The following UTRN variants were observed in gnomAD, a reference collection of about 807,000 sequenced individuals.
UTRN encodes utrophin.
Under a neutral mutation model 463.9 loss-of-function variants are expected in UTRN, and 283 were observed. The observed-to-expected ratio is 0.61, with a 90% CI of 0.55 to 0.67. The LOEUF (loss-of-function observed/expected upper bound fraction) is 0.67. UTRN is among the 30% of genes least tolerant of loss of function. The pLI is 0.00. For missense variants in UTRN, 3,922 were observed against 4,084.3 expected (o/e 0.96, Z 1.08); for synonymous variants, 1,442 against 1,431.5 (o/e 1.01, Z -0.17).
In UTRN at chr6:144,537,644, G is replaced by T. The variant is rs1392040751; in HGVS notation, c.6296G>T (p.Trp2099Leu). The change falls in exon 44 of 75, where the codon TGG (tryptophan) becomes TTG (leucine). Residue 2099 changes from tryptophan to leucine, a missense_variant. Coordinates refer to ENST00000367545, the MANE Select transcript of UTRN (RefSeq NM_007124.3). The stretch of plus-strand genomic sequence containing the variant: ...CATCAGCTAGATGAGATTATCTGTT[G>T]GTTAACAAAGGCTGAGCATGCTATG... Reference protein sequence around the residue: ...YRHQLDEIICWLTKAEHAMQK... With the variant: ...YRHQLDEIICLLTKAEHAMQK... 6.2e-7 allele frequency: 1 copy of T among 1,612,714 alleles called. No individual in the cohort carries two copies. Among genetic ancestry groups the T allele is most frequent in the South Asian group, 1.1e-5 (1 of 90,854 alleles).
chr6:144,541,338 C>T (rs1458517034), intron 45 of UTRN, among the ~76,000 whole-genome samples: 1 of 152,222 alleles, frequency 6.6e-6, no homozygotes, highest in Non-Finnish European at 1.5e-5. Flanking sequence ...TGTCCATATT[C>T]AGTCGGAGCA....
intron 51 of UTRN, among the ~76,000 whole-genome samples, chr6:144,651,380 G>A (rs1301990805): frequency 6.6e-6 from 1 of 152,142 alleles, no homozygotes; most frequent in Non-Finnish European, 1.5e-5. Context: ...GTTTGCTCAA[G>A]TGTTAGAGGA....
chr6:144,795,205 C>A (rs1459006679), intron 63 of UTRN, among the ~76,000 whole-genome samples: 3 of 152,190 alleles, frequency 2.0e-5, no homozygotes, highest in African/African-American at 7.2e-5. Flanking sequence ...ATGGACTCAT[C>A]CTTTTTTATG....
At chr6:144,616,422 A>C (rs1021974578) in intron 51 of UTRN, among the ~76,000 whole-genome samples, 1 of 152,160 alleles carries the variant, frequency 6.6e-6, no homozygotes. Flanking sequence ...GCTACAAGCC[A>C]TTATAATTTG....
intron 60 of UTRN, among the ~76,000 whole-genome samples, chr6:144,775,466 GGTA>G (rs1775241180): frequency 1.3e-5 from 2 of 152,278 alleles, no homozygotes; most frequent in African/African-American, 4.8e-5. Context: ...ATTAGCAGGT[GGTA>G]GTAGTTGCAG....
chr6:144,773,351 T>G (rs1794293700), intron 59 of UTRN, among the ~76,000 whole-genome samples: 1 of 152,044 alleles, frequency 6.6e-6, no homozygotes, highest in African/African-American at 2.4e-5. Flanking sequence ...ATCTCCTTTA[T>G]TGGGAAAAAA....
intron 23 of UTRN, among the ~76,000 whole-genome samples, chr6:144,472,177 C>A (rs994267233): frequency 2.0e-5 from 3 of 152,140 alleles, no homozygotes; most frequent in Admixed American, 6.5e-5. Flanking sequence ...CAGTTCCTAG[C>A]CAAACTGTAA....
Position 144,692,720 on chromosome 6 carries a change from T to C in UTRN, c.7653-7367T>C, listed in dbSNP as rs529169085. Reference sequence around the variant, plus strand: ...TTTTGAAAAGTGTCTGTTCATGTCCTTTGCCCACTTTTTATGGTGTTTGTT... The same window carrying C: ...TTTTGAAAAGTGTCTGTTCATGTCCCTTGCCCACTTTTTATGGTGTTTGTT... On this transcript the variant is annotated intron_variant, in intron 52 of 74. Coordinates refer to ENST00000367545, the MANE Select transcript of UTRN (RefSeq NM_007124.3). Among the ~76,000 whole-genome samples the C allele has an allele frequency of 2.6e-5, 4 of 152,336 alleles. No homozygotes were observed. The South Asian group carries it at 8.3e-4, about 32-fold the overall frequency.
chr6:144,474,997 A>G (rs1791044665), intron 25 of UTRN, among the ~76,000 whole-genome samples: 1 of 152,226 alleles, frequency 6.6e-6, no homozygotes, highest in South Asian at 2.1e-4. Context: ...GGCTTGAAAC[A>G]CATTTATGAC....
At chr6:144,423,009 G>C (rs914146752) in intron 4 of UTRN, among the ~76,000 whole-genome samples, 1 of 152,214 alleles carries the variant, frequency 6.6e-6, no homozygotes, top group African/African-American at 2.4e-5. Flanking sequence ...GGAATTCCCT[G>C]CCTTCCGAGG....
chr6:144,506,845 T>C (rs552498836), intron 34 of UTRN, among the ~76,000 whole-genome samples: 7 of 152,324 alleles, frequency 4.6e-5, no homozygotes, highest in South Asian at 2.1e-4. Context: ...TTGCATAATA[T>C]CTTGAAGTGT....
intron 51 of UTRN, among the ~76,000 whole-genome samples, chr6:144,648,753 G>A (rs1363732218): frequency 6.6e-6 from 1 of 152,104 alleles, no homozygotes; most frequent in African/African-American, 2.4e-5. Context: ...TGGTAACTTT[G>A]TAAATGTGTA....
chr6:144,487,693 A>T lies in UTRN; in HGVS notation c.3968A>T (p.His1323Leu). The change falls in exon 29 of 75, where the codon CAC becomes CTC. Residue 1323 changes from histidine to leucine, a missense_variant. Coordinates refer to ENST00000367545, the MANE Select transcript of UTRN (RefSeq NM_007124.3). ...AFNSRYEDLS[H>L]LAESKQISLE... is the part of the protein sequence containing the mutation. ...AACAGCCGATATGAAGATCTAAGTCACCTGGTAAGAGTTGGGACATACATG... is the reference window on the plus strand; with the variant it reads ...AACAGCCGATATGAAGATCTAAGTCTCCTGGTAAGAGTTGGGACATACATG... 1 of 1,611,460 alleles carries T rather than the reference A, an allele frequency of 6.2e-7. No individual in the cohort carries two copies. Among genetic ancestry groups the T allele is most frequent in the South Asian group, 1.1e-5 (1 of 90,620 alleles).
chr6:144,655,495 C>A (rs1779233829), intron 51 of UTRN, among the ~76,000 whole-genome samples: 1 of 152,196 alleles, frequency 6.6e-6, no homozygotes, highest in South Asian at 2.1e-4. Flanking sequence ...AATGGGCTTA[C>A]AACAAATAAA....
At chr6:144,791,560 C>G (rs1350564125) in intron 62 of UTRN, among the ~76,000 whole-genome samples, 1 of 145,878 alleles carries the variant, frequency 6.9e-6, no homozygotes, top group African/African-American at 2.5e-5. Flanking sequence ...GATGACAAAG[C>G]GAGACCTTAA....
rs561084907 is a variant in UTRN, at chr6:144,400,392, C to A, written c.80-2731C>A. On this transcript the variant is annotated intron_variant, in intron 2 of 74. Coordinates refer to ENST00000367545, the MANE Select transcript of UTRN (RefSeq NM_007124.3). ...ATAAATTTCTAGGCAGACAAAATGG[C>A]TGATCAGAATAGCATGACGGAGTTT... Among the ~76,000 whole-genome samples, 61 of 152,188 alleles carry A rather than the reference C, an allele frequency of 4.0e-4. 1 individual carries two copies. The South Asian group carries it at 0.012, about 31-fold the overall frequency.
intron 53 of UTRN, among the ~76,000 whole-genome samples, chr6:144,709,720 GAACTT>G (rs1223535008): frequency 6.6e-6 from 1 of 152,134 alleles, no homozygotes; most frequent in Admixed American, 6.5e-5. Context: ...AAGAGACAAA[GAACTT>G]AACACTAATT....
At chr6:144,850,741 T>C (rs1782421738) in intron 74 of UTRN, among the ~76,000 whole-genome samples, 2 of 152,162 alleles carry the variant, frequency 1.3e-5, no homozygotes, top group African/African-American at 4.8e-5. Context: ...TCCTCTCCAT[T>C]TTAACTTTGC....
At chr6:144,403,779 TGTC>T (rs1240265888) in intron 3 of UTRN, among the ~76,000 whole-genome samples, 1 of 152,214 alleles carries the variant, frequency 6.6e-6, no homozygotes, top group Non-Finnish European at 1.5e-5. Flanking sequence ...AGAGAGGAAT[TGTC>T]AGTGCTATTT....
Sources: allele counts gnomAD v4.1 joint callset (sites outside exome capture counted in the v4.1 genomes callset), GRCh38; gene constraint gnomAD v4.1.1; transcripts MANE v1.5; gene names NCBI Gene and HGNC (gene_info 2026-07-23, HGNC 2026-07-21).